The following INSR variants were observed in gnomAD, a reference collection of about 807,000 sequenced individuals.
INSR encodes the protein insulin receptor, also known as IR.
In INSR, 67 loss-of-function variants were observed where a neutral mutation model predicts 142.6. The observed-to-expected ratio is 0.47, with a 90% CI of 0.39 to 0.58. The LOEUF (loss-of-function observed/expected upper bound fraction) is 0.58. Ranked by LOEUF, INSR falls within the 20% of genes least tolerant of loss-of-function variation. INSR has a pLI of 0.00. For synonymous variants in INSR, 756 were observed against 743.1 expected, an observed-to-expected ratio of 1.02 and a Z score of -0.28; for missense variants, 1,248 against 1,833.2, an observed-to-expected ratio of 0.68 and a Z score of 5.83.
intron 17 of INSR, among the ~76,000 whole-genome samples, chr19:7,124,972 T>G (rs1480170129): frequency 3.3e-5 from 5 of 151,898 alleles, no homozygotes; most frequent in African/African-American, 1.2e-4. Flanking sequence ...TGATGGAAGA[T>G]TCCGGAAAGT....
At chr19:7,255,261 G>A (rs761678261) in intron 2 of INSR, among the ~76,000 whole-genome samples, 17 of 152,034 alleles carry the variant, frequency 1.1e-4, no homozygotes, top group African/African-American at 1.4e-4. Context: ...CAAGGACTTC[G>A]GGGACGCAAC....
intron 9 of INSR, among the ~76,000 whole-genome samples, chr19:7,158,519 G>T (rs1412418929): frequency 6.6e-6 from 1 of 151,948 alleles, no homozygotes; most frequent in African/African-American, 2.4e-5. Flanking sequence ...AAAAAGAAAA[G>T]AAAAGAAAAA....
intron 13 of INSR, among the ~76,000 whole-genome samples, chr19:7,132,523 A>G (rs764800346): frequency 1.2e-4 from 18 of 152,268 alleles, no homozygotes; most frequent in Non-Finnish European, 2.6e-4. Flanking sequence ...AGAGGTTATC[A>G]TTATCGGTAA....
At chr19:7,262,770 C>G (rs1259384363) in intron 2 of INSR, among the ~76,000 whole-genome samples, 1 of 152,162 alleles carries the variant, frequency 6.6e-6, no homozygotes, top group African/African-American at 2.4e-5. Context: ...CCGTCTGATT[C>G]CACTCACAGG....
At position 7,168,162 on chromosome 19, in the gene INSR, C is replaced by T. The variant is rs759679151; in HGVS notation, c.1484-68G>A. ...GTAGTTTCAGACCAAAGCCTGGGACCCCCACACTTCCTGGAGGGACCGTGA... is the reference window on the plus strand; with the variant it reads ...GTAGTTTCAGACCAAAGCCTGGGACTCCCACACTTCCTGGAGGGACCGTGA... On this transcript the variant is annotated intron_variant, in intron 6 of 21. Transcript: ENST00000302850. This position sits in a 1 kb window ranked among gnomAD's most constrained non-coding sequence, Gnocchi z 4.3. 31 of 1,525,892 alleles carry T rather than the reference C, an allele frequency of 2.0e-5. No homozygotes were observed. The African/African-American group carries it at 2.3e-4, about 11-fold the overall frequency. The allele number at this position is 1,525,892 out of a possible 1,614,324, so 94.5% of individuals were successfully genotyped here. A position where few individuals can be genotyped will look rare whatever the true frequency, so the allele number is the denominator to read the frequency against.
intron 1 of INSR, among the ~76,000 whole-genome samples, chr19:7,285,536 T>C (rs1303126542): frequency 6.6e-6 from 1 of 152,148 alleles, no homozygotes; most frequent in African/African-American, 2.4e-5. Context: ...CTCAGGAGGC[T>C]GAGGCAGGAG....
At chr19:7,207,621 C>T (rs1235461385) in intron 2 of INSR, among the ~76,000 whole-genome samples, 2 of 151,430 alleles carry the variant, frequency 1.3e-5, no homozygotes, top group African/African-American at 4.9e-5. Context: ...TCTCCCTAGC[C>T]TGGCTAAAGA....
Position 7,170,601 on chromosome 19 carries a change from T to C in INSR, c.1419A>G (p.Ser473=). The change falls in exon 6 of 22, where the codon TCA becomes TCG. Residue 473 remains serine (S), a synonymous_variant. Coordinates refer to ENST00000302850, the MANE Select transcript of INSR (RefSeq NM_000208.4). ...LSEIHKMEEV[S]GTKGRQERND... ...TTCTCTCCTGGCGCCCCTTGGTTCC[T>C]GAAACTTCTTCCATCTTGTGGATTT... 6.2e-7 allele frequency: 1 copy of C among 1,613,860 alleles called. No individual in the cohort carries two copies. The highest frequency in any genetic ancestry group is 8.5e-7 in the Non-Finnish European group (1 of 1,179,960).
At chr19:7,193,838 C>T (rs1029358942) in intron 2 of INSR, among the ~76,000 whole-genome samples, 1 of 151,972 alleles carries the variant, frequency 6.6e-6, no homozygotes, top group Admixed American at 6.6e-5. Flanking sequence ...TACAGGCGTA[C>T]ACCACCATGC....
intron 13 of INSR, among the ~76,000 whole-genome samples, chr19:7,139,821 C>CTTT (rs10673049): frequency 0.04 from 4,622 of 115,612 alleles, 342 homozygotes; most frequent in East Asian, 0.082. Context: ...GTTGCGTATT[C>CTTT]TTTTTTTTTT....
At chr19:7,279,967 T>C (rs572835028) in intron 1 of INSR, among the ~76,000 whole-genome samples, 3 of 150,462 alleles carry the variant, frequency 2.0e-5, no homozygotes, top group African/African-American at 7.4e-5. Flanking sequence ...GGAGACCCTG[T>C]CTCAAAAACA....
At chr19:7,266,636 C>G (rs1331607120) in intron 2 of INSR, among the ~76,000 whole-genome samples, 1 of 152,152 alleles carries the variant, frequency 6.6e-6, no homozygotes, top group Non-Finnish European at 1.5e-5. Context: ...CCACCCGCCT[C>G]AGCCTCCCCA....
At chr19:7,223,343 A>T (rs754988286) in intron 2 of INSR, among the ~76,000 whole-genome samples, 9 of 152,340 alleles carry the variant, frequency 5.9e-5, no homozygotes, top group African/African-American at 1.7e-4. Context: ...ATAAAGACAC[A>T]AGGGAGCATT....
intron 2 of INSR, among the ~76,000 whole-genome samples, chr19:7,190,497 G>A (rs919095381): frequency 4.0e-5 from 6 of 151,168 alleles, no homozygotes; most frequent in African/African-American, 1.5e-4. Flanking sequence ...TCAGCCTCCT[G>A]AGTAGCTGGG....
chr19:7,229,760 CTTT>C (rs71177180), intron 2 of INSR, among the ~76,000 whole-genome samples: 5,943 of 87,548 alleles, frequency 0.068, 268 homozygotes, highest in African/African-American at 0.19. Context: ...CATTTACAGT[CTTT>C]TTTTTTTTTT....
intron 2 of INSR, among the ~76,000 whole-genome samples, chr19:7,201,793 G>C (rs1354596631): frequency 1.4e-5 from 1 of 71,882 alleles, no homozygotes; most frequent in Admixed American, 1.4e-4. Flanking sequence ...CTCCCAAGTA[G>C]CTGGGACTAC....
At chr19:7,215,129 A>G (rs1975394456) in intron 2 of INSR, among the ~76,000 whole-genome samples, 1 of 151,752 alleles carries the variant, frequency 6.6e-6, no homozygotes, top group African/African-American at 2.4e-5. Flanking sequence ...CTAAATTTTT[A>G]TTTTTTGTAG....
chr19:7,221,418 G>A (rs1290003576), intron 2 of INSR, among the ~76,000 whole-genome samples: 5 of 139,632 alleles, frequency 3.6e-5, no homozygotes, highest in African/African-American at 1.3e-4. Context: ...AGAAGAAGAA[G>A]AAGAAGAAGG....
intron 2 of INSR, among the ~76,000 whole-genome samples, chr19:7,191,352 G>A (rs1372000188): frequency 6.8e-6 from 1 of 147,856 alleles, no homozygotes; most frequent in East Asian, 2.0e-4. Flanking sequence ...AGAAAGGAGG[G>A]AGGGAGGGAG....
Sources: allele counts gnomAD v4.1 joint callset (sites outside exome capture counted in the v4.1 genomes callset), GRCh38; gene constraint gnomAD v4.1.1; non-coding constraint Gnocchi (gnomAD v3.1); transcripts MANE v1.5; gene names NCBI Gene and HGNC (gene_info 2026-07-23, HGNC 2026-07-21).